The following BCL2 variants were observed in gnomAD, a reference collection of about 807,000 sequenced individuals.
BCL2 encodes the protein BCL2 apoptosis regulator.
BCL2 carries 1 observed loss-of-function variant against 14.2 expected under a neutral mutation model. The ratio of observed to expected loss-of-function variants is 0.07; its 90% CI spans 0.02 to 0.33. The LOEUF is 0.33. Ranked by LOEUF, BCL2 falls within the 10% of genes least tolerant of loss-of-function variation. The pLI, the probability that BCL2 is intolerant of heterozygous loss-of-function variation, is 0.99. For missense variants in BCL2, 247 were observed against 305.9 expected (o/e 0.81, Z 1.44); for synonymous variants, 151 against 137.2 (o/e 1.10, Z -0.70).
chr18:63,150,772 C>T (rs967394692), intron 2 of BCL2, among the ~76,000 whole-genome samples: 1 of 152,124 alleles, frequency 6.6e-6, no homozygotes, highest in South Asian at 2.1e-4. Flanking sequence ...ATTCTGGAGA[C>T]CTTGTGGCAG....
In BCL2 at chr18:63,133,337, T is replaced by G. The variant is rs918297043; in HGVS notation, c.586-4578A>C. 5.7e-4 allele frequency among the ~76,000 whole-genome samples: 86 copies of G among 149,848 alleles called. 1 individual carries two copies. Among genetic ancestry groups the G allele is most frequent in the African/African-American group, 2.1e-3 (84 of 40,860 alleles). Reference sequence around the variant, plus strand: ...TTCAAGAATTTTTTTTTTTTTTTTTTTTTGAGATGGAGCCACTGTCACTCA... The same window carrying G: ...TTCAAGAATTTTTTTTTTTTTTTTTGTTTGAGATGGAGCCACTGTCACTCA... On this transcript the variant is annotated intron_variant, in intron 2 of 2. Transcript: ENST00000333681.
chr18:63,260,832 C>T (rs953177292), intron 2 of BCL2, among the ~76,000 whole-genome samples: 4 of 151,866 alleles, frequency 2.6e-5, no homozygotes, highest in Non-Finnish European at 2.9e-5. Flanking sequence ...GAAAAACAAA[C>T]ATGAGCTGGA....
intron 2 of BCL2, among the ~76,000 whole-genome samples, chr18:63,276,475 A>G (rs1458883280): frequency 6.6e-6 from 1 of 152,196 alleles, no homozygotes; most frequent in Admixed American, 6.5e-5. Context: ...GTCTAGCACA[A>G]GCCACAAATA....
intron 2 of BCL2, among the ~76,000 whole-genome samples, chr18:63,139,930 A>T (rs893757786): frequency 2.0e-4 from 30 of 152,216 alleles, no homozygotes; most frequent in African/African-American, 7.0e-4. Flanking sequence ...CCAGCAAAAA[A>T]CTTAATTATT....
chr18:63,155,898 C>T lies in BCL2; in HGVS notation c.586-27139G>A, dbSNP rs546272600. ...TTCTCCTTGGAGGTTAGAGGCCCAT[C>T]CTCCCTCTCCCAGGACCCTTCCCCG... On this transcript the variant is annotated intron_variant, in intron 2 of 2. Coordinates refer to ENST00000333681, the MANE Select transcript of BCL2 (RefSeq NM_000633.3). Among the ~76,000 whole-genome samples, 271 of 152,244 alleles carry T rather than the reference C, an allele frequency of 1.8e-3. 1 individual carries two copies. The highest frequency in any genetic ancestry group is 5.2e-3 in the African/African-American group (218 of 41,552).
chr18:63,172,272 T>A (rs568707476), intron 2 of BCL2, among the ~76,000 whole-genome samples: 2 of 152,372 alleles, frequency 1.3e-5, no homozygotes, highest in South Asian at 4.1e-4. Context: ...CGTACTCACT[T>A]GCTGCACAGC....
chr18:63,262,351 A>G (rs28537871), intron 2 of BCL2, among the ~76,000 whole-genome samples: 2,719 of 152,338 alleles, frequency 0.018, 89 homozygotes, highest in African/African-American at 0.063. Context: ...GTGGCTGATC[A>G]TCTCCTTGAA....
chr18:63,166,314 A>T (rs981795366), intron 2 of BCL2, among the ~76,000 whole-genome samples: 2 of 152,158 alleles, frequency 1.3e-5, no homozygotes, highest in African/African-American at 4.8e-5. Flanking sequence ...GGAAGACGAG[A>T]GGATTTGGAC....
intron 2 of BCL2, among the ~76,000 whole-genome samples, chr18:63,160,179 G>T (rs1185527779): frequency 6.6e-6 from 1 of 152,184 alleles, no homozygotes; most frequent in African/African-American, 2.4e-5. Flanking sequence ...GATTATCAAA[G>T]CCAAATGTGT....
chr18:63,281,205 G>C (rs990804525), intron 2 of BCL2, among the ~76,000 whole-genome samples: 1 of 152,156 alleles, frequency 6.6e-6, no homozygotes, highest in Admixed American at 6.5e-5. Flanking sequence ...AACAGATCCT[G>C]AGTTTCTGTC....
chr18:63,257,857 C>T (rs553162791), intron 2 of BCL2, among the ~76,000 whole-genome samples: 25 of 151,898 alleles, frequency 1.6e-4, no homozygotes, highest in South Asian at 6.2e-4. Context: ...AAGACACAGA[C>T]GAGGCTGAAT....
At chr18:63,209,861 G>C (rs2144672487) in intron 2 of BCL2, among the ~76,000 whole-genome samples, 1 of 152,284 alleles carries the variant, frequency 6.6e-6, no homozygotes, top group Middle Eastern at 3.4e-3. Flanking sequence ...GGAAGAATCA[G>C]GCCGTTTAAC....
intron 2 of BCL2, among the ~76,000 whole-genome samples, chr18:63,296,979 G>A (rs192761947): frequency 1.4e-3 from 208 of 152,294 alleles, no homozygotes; most frequent in South Asian, 0.011. Flanking sequence ...TTGGGAGGCC[G>A]AGGCGGGCGG....
intron 2 of BCL2, among the ~76,000 whole-genome samples, chr18:63,150,273 G>C (rs1042482062): frequency 2.0e-5 from 3 of 152,100 alleles, no homozygotes; most frequent in African/African-American, 7.2e-5. Context: ...GAAAACGAAA[G>C]AAAGAGAGTG....
At chr18:63,129,943 C>G (rs989563158) in intron 2 of BCL2, among the ~76,000 whole-genome samples, 10 of 152,142 alleles carry the variant, frequency 6.6e-5, no homozygotes, top group African/African-American at 2.4e-4. Flanking sequence ...TCTCACAAGG[C>G]AGGAGATCAG....
At chr18:63,157,284 G>A (rs531297901) in intron 2 of BCL2, among the ~76,000 whole-genome samples, 1 of 152,176 alleles carries the variant, frequency 6.6e-6, no homozygotes, top group Non-Finnish European at 1.5e-5. Flanking sequence ...CATAATCATG[G>A]TACCTTGTTC....
intron 2 of BCL2, among the ~76,000 whole-genome samples, chr18:63,164,298 C>T (rs1367392243): frequency 6.6e-6 from 1 of 152,182 alleles, no homozygotes; most frequent in African/African-American, 2.4e-5. Flanking sequence ...CCAAATCCTA[C>T]TTTCTCAACA....
chr18:63,172,201 C>A (rs952445268), intron 2 of BCL2, among the ~76,000 whole-genome samples: 1 of 152,194 alleles, frequency 6.6e-6, no homozygotes, highest in Non-Finnish European at 1.5e-5. Flanking sequence ...TCCTAATGAA[C>A]AATTTCTAAA....
chr18:63,248,641 G>A (rs944556923), intron 2 of BCL2, among the ~76,000 whole-genome samples: 3 of 152,304 alleles, frequency 2.0e-5, no homozygotes, highest in East Asian at 3.9e-4. Context: ...AAGCACATCC[G>A]AGAGAGAAAT....
Sources: gnomAD v4.1 joint callset for allele counts (sites outside exome capture counted in the v4.1 genomes callset) on GRCh38, gnomAD v4.1.1 for gene constraint, MANE v1.5 for transcripts, NCBI Gene and HGNC (gene_info 2026-07-23, HGNC 2026-07-21) for gene names.